The following CLEC2A variants were observed in gnomAD, a reference collection of about 807,000 sequenced individuals.
The protein encoded by CLEC2A is C-type lectin domain family 2 member A.
A neutral mutation model predicts 18.6 loss-of-function variants in CLEC2A; 19 were observed. That is an observed-to-expected ratio of 1.02 (90% CI 0.71 to 1.50). The LOEUF (loss-of-function observed/expected upper bound fraction) is 1.50, where lower values mean the gene tolerates loss of function less well. CLEC2A is among the 40% of genes most tolerant of loss of function. CLEC2A has a pLI of 0.00. For missense variants in CLEC2A, 190 were observed against 207.9 expected (o/e 0.91, Z 0.53); for synonymous variants, 74 against 64.0 (o/e 1.16, Z -0.75).
the CLEC2A span, among the ~76,000 whole-genome samples, chr12:9,884,116 G>A: frequency 0.047 from 7,151 of 152,138 alleles, 375 homozygotes; most frequent in East Asian, 0.27. Flanking sequence ...TGAAAAAAGT[G>A]TATACATCCA....
At chr12:9,904,307 C>A (rs1334104934) in intron 4 of CLEC2A, among the ~76,000 whole-genome samples, 1 of 152,146 alleles carries the variant, frequency 6.6e-6, no homozygotes, top group Non-Finnish European at 1.5e-5. Context: ...AGCTACCTTA[C>A]AATTTGTGCC....
intron 4 of CLEC2A, among the ~76,000 whole-genome samples, chr12:9,904,381 G>A (rs74499394): frequency 0.012 from 1,881 of 152,298 alleles, 45 homozygotes; most frequent in African/African-American, 0.043. Context: ...TGCAGTGCAC[G>A]CAAGTGTAAC....
chr12:9,912,420 G>A (rs1198051113), downstream of CLEC2A, among the ~76,000 whole-genome samples: 7 of 152,084 alleles, frequency 4.6e-5, no homozygotes, highest in African/African-American at 1.7e-4. Context: ...TAGAGTGACA[G>A]GGTTTGGGGG....
intron 1 of CLEC2A, among the ~76,000 whole-genome samples, chr12:9,930,752 G>A (rs973195394): frequency 6.6e-5 from 10 of 151,092 alleles, no homozygotes; most frequent in South Asian, 4.2e-4. Flanking sequence ...CTCTCTCTCT[G>A]TTTCAGATTC....
At chr12:9,883,812 C>T in the CLEC2A span, among the ~76,000 whole-genome samples, 1 of 152,088 alleles carries the variant, frequency 6.6e-6, no homozygotes, top group Admixed American at 6.5e-5. Flanking sequence ...TAATCAAATG[C>T]AGTAAATCCA....
intron 4 of CLEC2A, among the ~76,000 whole-genome samples, chr12:9,903,570 T>C (rs1862865572): frequency 6.6e-6 from 1 of 152,314 alleles, no homozygotes; most frequent in East Asian, 1.9e-4. Context: ...AGTAGAATAT[T>C]GAGTTCCAAT....
At position 9,915,038 on chromosome 12, in the gene CLEC2A, AG is replaced by A. The variant is rs199610678; in HGVS notation, c.411-1359del. ...AAAAAAAACATCAAAAAGTAGGCAAAGGATATGAACAGACAACTCTCAAAAG... is the reference window on the plus strand; with the variant it reads ...AAAAAAAACATCAAAAAGTAGGCAAAGATATGAACAGACAACTCTCAAAAG... On this transcript the variant is annotated intron_variant, in intron 4 of 4. Coordinates refer to ENST00000455827, the MANE Select transcript of CLEC2A (RefSeq NM_001130711.2). Among the ~76,000 whole-genome samples, 412 of 152,286 alleles carry A rather than the reference AG, an allele frequency of 2.7e-3. 4 individuals carry two copies. The highest frequency in any genetic ancestry group is 9.1e-3 in the African/African-American group (380 of 41,568).
the CLEC2A span, among the ~76,000 whole-genome samples, chr12:9,892,688 G>A: frequency 6.8e-6 from 1 of 148,028 alleles, no homozygotes; most frequent in Non-Finnish European, 1.5e-5. Flanking sequence ...AGGTTCAAGC[G>A]ATTCTCCTGC....
the CLEC2A span, among the ~76,000 whole-genome samples, chr12:9,888,557 A>C: frequency 6.6e-6 from 1 of 152,198 alleles, no homozygotes; most frequent in Non-Finnish European, 1.5e-5. Flanking sequence ...GAGTAAAAAC[A>C]GATATGGCGA....
At chr12:9,914,860 G>A (rs1421488365) in intron 4 of CLEC2A, among the ~76,000 whole-genome samples, 2 of 152,008 alleles carry the variant, frequency 1.3e-5, no homozygotes, top group African/African-American at 4.8e-5. Context: ...TGACATATGG[G>A]ATCTAATTAA....
chr12:9,922,155 A>C lies in CLEC2A; in HGVS notation c.217T>G (p.Ser73Ala). 1 of 1,551,308 alleles carries C rather than the reference A, an allele frequency of 6.4e-7. No homozygotes were observed. Among genetic ancestry groups the C allele is most frequent in the East Asian group, 2.4e-5 (1 of 40,918 alleles). The stretch of plus-strand genomic sequence containing the variant: ...GCTGTCCAATTTCTGGTATCATCAG[A>C]AAAATAGAAACACTTATCTCTCACT... ...LGVRDKCFYF[S>A]DDTRNWTASK... The change falls in exon 3 of 5, where the codon TCT (serine) becomes GCT (alanine). Residue 73 changes from serine (S) to alanine (A), a missense_variant. Physicochemically the swap from Ser to Ala is moderately conservative, Grantham distance 99 (BLOSUM62 1). Coordinates refer to ENST00000455827, the MANE Select transcript of CLEC2A (RefSeq NM_001130711.2).
the CLEC2A span, among the ~76,000 whole-genome samples, chr12:9,880,985 T>A: frequency 6.6e-6 from 1 of 152,220 alleles, no homozygotes; most frequent in South Asian, 2.1e-4. Flanking sequence ...TGCCTGGCGT[T>A]TTCTGAAAAA....
At chr12:9,911,067 T>C (rs1275223861), downstream of CLEC2A, among the ~76,000 whole-genome samples, 1 of 152,158 alleles carries the variant, frequency 6.6e-6, no homozygotes, top group Non-Finnish European at 1.5e-5. Flanking sequence ...CCTAACACGG[T>C]CCCTGCTTCT....
At chr12:9,899,078 T>C (rs1862790930) in intron 4 of CLEC2A, 1 of 636,656 alleles carries the variant, frequency 1.6e-6, no homozygotes, top group East Asian at 2.7e-5. Flanking sequence ...CAAGGCCTTT[T>C]ATCAGTTTGC....
chr12:9,882,194 A>G, the CLEC2A span, among the ~76,000 whole-genome samples: 1 of 152,202 alleles, frequency 6.6e-6, no homozygotes, highest in Non-Finnish European at 1.5e-5. Context: ...TTTTGAAAAC[A>G]ATCTTGTTGA....
chr12:9,895,974 A>G (rs1260554900), downstream of CLEC2A: 10 of 767,712 alleles, frequency 1.3e-5, no homozygotes, highest in Non-Finnish European at 1.7e-5. Context: ...TTTATCCTGA[A>G]TTGACTATAA....
At chr12:9,915,337 C>A (rs1432388128) in intron 4 of CLEC2A, among the ~76,000 whole-genome samples, 1 of 152,026 alleles carries the variant, frequency 6.6e-6, no homozygotes, top group African/African-American at 2.4e-5. Flanking sequence ...TTTAACCCAG[C>A]AATCCCATTA....
chr12:9,899,120 T>TA (rs34475829), intron 4 of CLEC2A: 22,391 of 448,106 alleles, frequency 0.05, 79 homozygotes, highest in Middle Eastern at 0.081. Context: ...GCCCTACTAG[T>TA]AAAAAAAAAA....
rs1565535561 is a variant in CLEC2A, at chr12:9,926,289, A to G, written c.110T>C (p.Ile37Thr). 1.3e-6 allele frequency: 2 copies of G among 1,548,982 alleles called. No homozygotes were observed. Among genetic ancestry groups the G allele is most frequent in the South Asian group, 1.2e-5 (1 of 84,016 alleles). ...CATAATAATGCAAACTGTAGTAATA[A>G]TAATACTCAGGAAGCACATAAGGCC... ...KIGLMCFLSI[I>T]ITTVCIIMIA... Residue 37 changes from isoleucine to threonine, a missense_variant, in exon 2 of 5, where the codon ATT becomes ACT. Ile to Thr is a moderately conservative substitution (Grantham distance 89, BLOSUM62 -1). Transcript: ENST00000455827.
Sources: gnomAD v4.1 joint callset for allele counts (sites outside exome capture counted in the v4.1 genomes callset) on GRCh38, gnomAD v4.1.1 for gene constraint, MANE v1.5 for transcripts, NCBI Gene and HGNC (gene_info 2026-07-23, HGNC 2026-07-21) for gene names.